Variants in SPEN observed in about 807,000 individuals in gnomAD.
SPEN encodes the protein spen family transcriptional repressor.
A neutral mutation model predicts 269.9 loss-of-function variants in SPEN; 18 were observed. That is an observed-to-expected ratio of 0.07 (90% CI 0.05 to 0.10). The LOEUF is 0.10. Ranked by LOEUF, SPEN falls within the 10% of genes least tolerant of loss-of-function variation. The pLI, the probability that SPEN is intolerant of heterozygous loss-of-function variation, is 1.00. For missense variants in SPEN, 3,822 were observed against 4,631.2 expected (o/e 0.83, Z 5.07); for synonymous variants, 1,726 against 1,765.7 (o/e 0.98, Z 0.56).
chr1:15,854,806 T>A (rs1268466232), intron 1 of SPEN, among the ~76,000 whole-genome samples: 1 of 152,114 alleles, frequency 6.6e-6, no homozygotes, highest in Non-Finnish European at 1.5e-5. Context: ...TTATGTGATA[T>A]CTAGCTGGTT....
chr1:15,860,378 G>GGTGTGTGTGTGTGTGTGTGTGT (rs60005872), intron 1 of SPEN, among the ~76,000 whole-genome samples: 8 of 121,234 alleles, frequency 6.6e-5, no homozygotes, highest in South Asian at 3.2e-4. Flanking sequence ...TAGCTTCAGA[G>GGTGTGTGTGTGTGTGTGTGTGT]GTGTGTGTGT....
At chr1:15,910,124 TAA>T (rs57198076) in intron 4 of SPEN, among the ~76,000 whole-genome samples, 4,913 of 65,438 alleles carry the variant, frequency 0.075, 153 homozygotes, top group African/African-American at 0.17. Context: ...ACTCTGTCTC[TAA>T]AAAAAAAAAA....
At chr1:15,849,502 G>A (rs2070311577) in intron 1 of SPEN, among the ~76,000 whole-genome samples, 1 of 152,230 alleles carries the variant, frequency 6.6e-6, no homozygotes, top group African/African-American at 2.4e-5. Flanking sequence ...AAAAGGAGCC[G>A]GGAATCGTGG....
intron 1 of SPEN, among the ~76,000 whole-genome samples, chr1:15,856,321 G>A (rs1026158637): frequency 2.0e-5 from 3 of 151,858 alleles, no homozygotes; most frequent in African/African-American, 7.3e-5. Context: ...AGACCTCATC[G>A]ATCAGAATTC....
chr1:15,893,786 A>T (rs1304463382), intron 3 of SPEN, among the ~76,000 whole-genome samples: 1 of 152,156 alleles, frequency 6.6e-6, no homozygotes, highest in African/African-American at 2.4e-5. Flanking sequence ...CCGTAATCCC[A>T]GCACTTTGGG....
At position 15,938,691 on chromosome 1, in the gene SPEN, C is replaced by G. The variant is rs750214544; in HGVS notation, c.10705-27C>G. On this transcript the variant is annotated intron_variant, in intron 13 of 14. Transcript: ENST00000375759. ...CTGCTGTTTGACTAGGAGGCCCCTG[C>G]TCACTGGCAGCTGGCCTCTGCCTCA... The G allele has an allele frequency of 8.1e-6, 13 of 1,602,374 alleles. No individual in the cohort carries two copies. The Admixed American group carries it at 1.2e-4, about 15-fold the overall frequency.
chr1:15,939,207 G>A lies in SPEN; in HGVS notation c.10864-89G>A. Reference sequence around the variant, plus strand: ...GGGGACTGATTTGGCCTGGCTCTTAGCATTGGGCCTCTTCAGGGCTCCCCA... The same window carrying A: ...GGGGACTGATTTGGCCTGGCTCTTAACATTGGGCCTCTTCAGGGCTCCCCA... On this transcript the variant is annotated intron_variant, in intron 14 of 14. Coordinates refer to ENST00000375759, the MANE Select transcript of SPEN (RefSeq NM_015001.3). This position sits in a 1 kb window ranked among gnomAD's most constrained non-coding sequence, Gnocchi z 4.1. 6.8e-7 allele frequency: 1 copy of A among 1,470,388 alleles called. No homozygotes were observed. The highest frequency in any genetic ancestry group is 9.1e-7 in the Non-Finnish European group (1 of 1,104,448). The allele number at this position is 1,470,388 out of a possible 1,614,324, so 91.1% of individuals were successfully genotyped here. A position where few individuals can be genotyped will look rare whatever the true frequency, so the allele number is the denominator to read the frequency against.
chr1:15,900,562 A>G (rs184828916), intron 3 of SPEN, among the ~76,000 whole-genome samples: 1 of 152,352 alleles, frequency 6.6e-6, no homozygotes, highest in East Asian at 1.9e-4. Context: ...AAGTGACACC[A>G]GAGTGTTTTA....
chr1:15,877,558 G>C (rs964947762), intron 3 of SPEN, among the ~76,000 whole-genome samples: 5 of 152,216 alleles, frequency 3.3e-5, no homozygotes, highest in African/African-American at 1.2e-4. Flanking sequence ...GAGCCAGAGT[G>C]CCCAGCCAAA....
At position 15,933,221 on chromosome 1, in the gene SPEN, G is replaced by A. The variant is rs753184209; in HGVS notation, c.6981G>A (p.Arg2327=). ...AAGAAGTGGAAGTCACTCTTGTTCG[G>A]AAAGACAAAGGGCGCCAGAAAACAA... ...GSKEVEVTLV[R]KDKGRQKTTR... The change falls in exon 11 of 15, where the codon CGG becomes CGA. Residue 2327 remains arginine, a synonymous_variant. Transcript: ENST00000375759. This position sits in a 1 kb window ranked among gnomAD's most constrained non-coding sequence, Gnocchi z 5.7. The A allele has an allele frequency of 3.1e-6, 5 of 1,614,138 alleles. No homozygotes were observed. The highest frequency in any genetic ancestry group is 4.2e-6 in the Non-Finnish European group (5 of 1,180,022).
chr1:15,850,084 T>A (rs1228852709), intron 1 of SPEN, among the ~76,000 whole-genome samples: 1 of 152,140 alleles, frequency 6.6e-6, no homozygotes. Flanking sequence ...GAAGGGTTCT[T>A]AGTGGACGGT....
chr1:15,854,937 C>T (rs1184647379), intron 1 of SPEN, among the ~76,000 whole-genome samples: 1 of 152,110 alleles, frequency 6.6e-6, no homozygotes, highest in Non-Finnish European at 1.5e-5. Flanking sequence ...TTGAAGATTA[C>T]AAGCATCTAA....
chr1:15,859,786 A>G (rs1396858966), intron 1 of SPEN, among the ~76,000 whole-genome samples: 2 of 152,254 alleles, frequency 1.3e-5, no homozygotes, highest in East Asian at 3.9e-4. Flanking sequence ...CTTTTCCTAA[A>G]AAGACTTCTT....
chr1:15,906,740 G>GGTC (rs2070959794), intron 3 of SPEN, among the ~76,000 whole-genome samples: 1 of 148,518 alleles, frequency 6.7e-6, no homozygotes, highest in Non-Finnish European at 1.5e-5. Flanking sequence ...CTGGGATTAC[G>GGTC]GTCGTGAGCC....
At chr1:15,886,221 C>CTG (rs1278171242) in intron 3 of SPEN, among the ~76,000 whole-genome samples, 1 of 152,130 alleles carries the variant, frequency 6.6e-6, no homozygotes, top group Non-Finnish European at 1.5e-5. Flanking sequence ...ACCCATATTG[C>CTG]TGAAGTGGGA....
intron 1 of SPEN, among the ~76,000 whole-genome samples, chr1:15,852,371 C>T (rs1310048904): frequency 6.6e-6 from 1 of 151,922 alleles, no homozygotes; most frequent in Non-Finnish European, 1.5e-5. Context: ...GGCTTTTGCA[C>T]ATTTTAAAAA....
rs142215244 is a variant in SPEN, at chr1:15,890,870, C to T, written c.881+14192C>T. Among the ~76,000 whole-genome samples the T allele has an allele frequency of 4.1e-4, 62 of 152,140 alleles. No individual in the cohort carries two copies. In the East Asian group the frequency reaches 0.011, roughly 26 times the overall value. ...ATAGAAGGAAAATCATACCATATTGCGGTCTTTTGTGACTGGTTTCTTTCA... is the reference window on the plus strand; with the variant it reads ...ATAGAAGGAAAATCATACCATATTGTGGTCTTTTGTGACTGGTTTCTTTCA... On this transcript the variant is annotated intron_variant, in intron 3 of 14. Coordinates refer to ENST00000375759, the MANE Select transcript of SPEN (RefSeq NM_015001.3).
intron 5 of SPEN, 45 bp downstream of exon 5, chr1:15,911,346 T>A (rs757175146): frequency 3.3e-6 from 5 of 1,523,132 alleles, no homozygotes; most frequent in East Asian, 2.3e-5. Flanking sequence ...TCACACACAC[T>A]GTTTGTGTTG....
intron 10 of SPEN, among the ~76,000 whole-genome samples, chr1:15,925,075 T>C (rs901155606): frequency 9.2e-5 from 14 of 152,224 alleles, no homozygotes; most frequent in Admixed American, 5.2e-4. Context: ...ATGACAACTC[T>C]ATTTGCACAG....
Sources: gnomAD v4.1 joint callset for allele counts (sites outside exome capture counted in the v4.1 genomes callset) on GRCh38, gnomAD v4.1.1 for gene constraint, Gnocchi (gnomAD v3.1) non-coding constraint, MANE v1.5 for transcripts, NCBI Gene and HGNC (gene_info 2026-07-23, HGNC 2026-07-21) for gene names.